DNAJB6: variants seen among roughly 807,000 people sequenced by gnomAD.
The protein encoded by DNAJB6 is DnaJ heat shock protein family (Hsp40) member B6, also known as dnaJ homolog subfamily B member 6.
A neutral mutation model predicts 42.7 loss-of-function variants in DNAJB6; 16 were observed. That is an observed-to-expected ratio of 0.37 (90% CI 0.25 to 0.57). The LOEUF is 0.57. Among genes scored for constraint, DNAJB6 ranks in the 20% least tolerant of loss-of-function variants. DNAJB6 has a pLI of 0.74. For synonymous variants in DNAJB6, 170 were observed against 163.5 expected (o/e 1.04, Z -0.30); for missense variants, 347 against 416.8 (o/e 0.83, Z 1.46).
At position 157,381,996 on chromosome 7, in the gene DNAJB6, GT is replaced by G. The variant is rs1314210841; in HGVS notation, c.347-243del. ...TCCATAAAGAATGTGTGTATGTGCT[GT>G]TTTTTTAATTAAGTCTGGTAATTTA... On this transcript the variant is annotated intron_variant, in intron 5 of 9. Coordinates refer to ENST00000262177, the MANE Select transcript of DNAJB6 (RefSeq NM_058246.4). 7 of 326,458 alleles carry G rather than the reference GT, an allele frequency of 2.1e-5. No homozygotes were observed. In the East Asian group the frequency reaches 4.6e-4, roughly 22 times the overall value. The allele number at this position is 326,458 out of a possible 1,614,324, so 20.2% of individuals were successfully genotyped here. A position where few individuals can be genotyped will look rare whatever the true frequency, so the allele number is the denominator to read the frequency against.
At chr7:157,406,176 G>A (rs1056793944) in intron 8 of DNAJB6, among the ~76,000 whole-genome samples, 2 of 152,206 alleles carry the variant, frequency 1.3e-5, no homozygotes, top group Non-Finnish European at 2.9e-5. Flanking sequence ...GCCGTGAGGC[G>A]GCCGCTCCCT....
rs1204602823 is a variant in DNAJB6, at chr7:157,387,401, C to T, written c.691+1790C>T. ...GCGCCCTCTAGTGTTGGAAATCCCA[C>T]TCACAACTAGCATTGTGCGATCATA... On this transcript the variant is annotated intron_variant, in intron 8 of 9. Coordinates refer to ENST00000262177, the MANE Select transcript of DNAJB6 (RefSeq NM_058246.4). Among the ~76,000 whole-genome samples the T allele has an allele frequency of 2.6e-5, 4 of 152,320 alleles. No homozygotes were observed. In the South Asian group the frequency reaches 6.2e-4, roughly 24 times the overall value.
intron 4 of DNAJB6, among the ~76,000 whole-genome samples, chr7:157,366,819 C>T (rs981045894): frequency 6.6e-6 from 1 of 152,010 alleles, no homozygotes; most frequent in African/African-American, 2.4e-5. Context: ...GAACATATAC[C>T]CTTAGATCAG....
intron 8 of DNAJB6, among the ~76,000 whole-genome samples, chr7:157,406,139 G>A (rs778292342): frequency 6.6e-6 from 1 of 152,246 alleles, no homozygotes; most frequent in African/African-American, 2.4e-5. Context: ...GACAGCTGGT[G>A]ACCCCTGCTG....
At chr7:157,383,728 G>A (rs1371301921) in intron 6 of DNAJB6, among the ~76,000 whole-genome samples, 1 of 152,050 alleles carries the variant, frequency 6.6e-6, no homozygotes, top group Admixed American at 6.5e-5. Flanking sequence ...ATTGAGACCA[G>A]TGCAGTAGCC....
intron 8 of DNAJB6, among the ~76,000 whole-genome samples, chr7:157,401,018 G>A (rs1308199406): frequency 1.3e-5 from 2 of 152,116 alleles, no homozygotes; most frequent in African/African-American, 4.8e-5. Flanking sequence ...GGACTTACCC[G>A]CTGTGGTCCC....
intron 5 of DNAJB6, chr7:157,378,764 A>G (rs935110128): frequency 6.6e-6 from 1 of 152,188 alleles, no homozygotes; most frequent in African/African-American, 2.4e-5. Context: ...TGAAGGTTTT[A>G]AAAGCTTAAT....
chr7:157,369,936 C>CA (rs1800081365), intron 5 of DNAJB6, among the ~76,000 whole-genome samples: 9 of 131,954 alleles, frequency 6.8e-5, no homozygotes, highest in African/African-American at 2.8e-4. Flanking sequence ...TATTATTAAA[C>CA]GGGACCCTTC....
rs940085123 is a variant in DNAJB6, at chr7:157,344,349, CAA to C, written c.-27+7219_-27+7220del. ...TGGGTGACAGAGTGAGACTCCGTCTCAAAAAAAAAAAAAAATAGCCAGGCATT... is the reference window on the plus strand; with the variant it reads ...TGGGTGACAGAGTGAGACTCCGTCTCAAAAAAAAAAAAATAGCCAGGCATT... On this transcript the variant is annotated intron_variant, in intron 1 of 9. Transcript: ENST00000262177. Among the ~76,000 whole-genome samples, 505 of 121,998 alleles carry C rather than the reference CAA, an allele frequency of 4.1e-3. 3 individuals are homozygous for C. The highest frequency in any genetic ancestry group is 0.014 in the African/African-American group (473 of 33,266). 80.0% of individuals were successfully genotyped at this position (121,998 alleles called of 152,430 possible). A position where few individuals can be genotyped will look rare whatever the true frequency, so the allele number is the denominator to read the frequency against.
At chr7:157,369,609 C>T (rs986047902) in intron 5 of DNAJB6, 4 of 307,006 alleles carry the variant, frequency 1.3e-5, no homozygotes, top group South Asian at 5.3e-5. Flanking sequence ...TAAATAGGCC[C>T]CTTCTTAACA....
intron 5 of DNAJB6, among the ~76,000 whole-genome samples, chr7:157,373,992 G>T (rs1800346083): frequency 6.6e-6 from 1 of 152,078 alleles, no homozygotes; most frequent in African/African-American, 2.4e-5. Context: ...TCCAGCTTGG[G>T]AAAAATAATG....
At chr7:157,393,627 T>C (rs1396545319) in intron 8 of DNAJB6, among the ~76,000 whole-genome samples, 1 of 152,234 alleles carries the variant, frequency 6.6e-6, no homozygotes, top group Non-Finnish European at 1.5e-5. Flanking sequence ...TTCAGCTGCC[T>C]GTGAAGTCAT....
rs977171309 is a variant in DNAJB6, at chr7:157,354,990, A to G, written c.-26-3557A>G. On this transcript the variant is annotated intron_variant, in intron 1 of 9. Coordinates refer to ENST00000262177, the MANE Select transcript of DNAJB6 (RefSeq NM_058246.4). ...ATCCAAGTGGCTGTGTCAAGTAGTC[A>G]TCTGTCTATTTGTGTCTGAAGTGCC... Among the ~76,000 whole-genome samples, 3 of 152,132 alleles carry G rather than the reference A, an allele frequency of 2.0e-5. No individual in the cohort carries two copies. The East Asian group carries it at 5.8e-4, about 29-fold the overall frequency.
chr7:157,407,976 G>A (rs911048483), intron 8 of DNAJB6, among the ~76,000 whole-genome samples: 9 of 152,124 alleles, frequency 5.9e-5, no homozygotes, highest in African/African-American at 2.4e-5. Context: ...TGGCGCCCGC[G>A]GGCATGGCCT....
chr7:157,360,798 G>A (rs1311015360), intron 2 of DNAJB6, among the ~76,000 whole-genome samples: 1 of 152,166 alleles, frequency 6.6e-6, no homozygotes, highest in Admixed American at 6.5e-5. Flanking sequence ...CATCTCTCCT[G>A]AGATACCAGA....
Position 157,385,448 on chromosome 7 carries a change from G to A in DNAJB6, c.621-93G>A, listed in dbSNP as rs530609047. The A allele has an allele frequency of 7.1e-5, 92 of 1,298,476 alleles. No homozygotes were observed. In the African/African-American group the frequency reaches 1.3e-3, roughly 18 times the overall value. 80.4% of individuals were successfully genotyped at this position (1,298,476 alleles called of 1,614,324 possible). Reference sequence around the variant, plus strand: ...AGCCTGAAAATTACTTATATTCATGGTGTATTTCAGTAATGTCCTTAAACA... The same window carrying A: ...AGCCTGAAAATTACTTATATTCATGATGTATTTCAGTAATGTCCTTAAACA... On this transcript the variant is annotated intron_variant, in intron 7 of 9. Coordinates refer to ENST00000262177, the MANE Select transcript of DNAJB6 (RefSeq NM_058246.4).
intron 2 of DNAJB6, 63 bp from the exon 3 acceptor site, chr7:157,363,098 G>C: frequency 1.7e-6 from 2 of 1,206,508 alleles, no homozygotes; most frequent in South Asian, 2.7e-5. Context: ...AATGATGTTA[G>C]TTTCAAAAGC....
At chr7:157,408,288 C>T (rs1343304163) in intron 8 of DNAJB6, among the ~76,000 whole-genome samples, 1 of 152,154 alleles carries the variant, frequency 6.6e-6, no homozygotes, top group Middle Eastern at 3.2e-3. Context: ...TTAAATGGTC[C>T]CCAAAATCAC....
chr7:157,381,745 C>CGTGTGTGTGTGTGTGTGTGTGTGT (rs3839841), intron 5 of DNAJB6: 12 of 148,836 alleles, frequency 8.1e-5, no homozygotes, highest in African/African-American at 2.5e-4. Context: ...CACCATTCCT[C>CGTGTGTGTGTGTGTGTGTGTGTGT]GTGTGTGTGT....
Sources: gnomAD v4.1 joint callset for allele counts (sites outside exome capture counted in the v4.1 genomes callset) on GRCh38, gnomAD v4.1.1 for gene constraint, MANE v1.5 for transcripts, NCBI Gene and HGNC (gene_info 2026-07-23, HGNC 2026-07-21) for gene names.